CSMD1: variants seen among roughly 807,000 people sequenced by gnomAD.
CSMD1 encodes CUB and sushi domain-containing protein 1.
Under a neutral mutation model 417.5 loss-of-function variants are expected in CSMD1, and 213 were observed. The ratio of observed to expected loss-of-function variants is 0.51; its 90% CI spans 0.46 to 0.57. CSMD1 has a LOEUF of 0.57. CSMD1 is among the 20% of genes least tolerant of loss of function. CSMD1 has a pLI of 0.00. For synonymous variants in CSMD1, 2,862 were observed against 1,736.8 expected (o/e 1.65, Z -16.11); for missense variants, 6,923 against 4,529.7 (o/e 1.53, Z -15.17).
chr8:3,971,254 T>G (rs1364834444), intron 5 of CSMD1, among the ~76,000 whole-genome samples: 1 of 152,194 alleles, frequency 6.6e-6, no homozygotes, highest in Non-Finnish European at 1.5e-5. Flanking sequence ...TGCCTGAGTT[T>G]TTAATCTCTG....
intron 50 of CSMD1, among the ~76,000 whole-genome samples, chr8:3,043,410 A>G (rs1379448099): frequency 7.9e-5 from 12 of 152,088 alleles, no homozygotes; most frequent in Non-Finnish European, 2.9e-5. Flanking sequence ...ACCTATAAAT[A>G]CTAGATATGA....
chr8:3,595,003 G>C (rs1413505823), intron 8 of CSMD1, among the ~76,000 whole-genome samples: 1 of 152,154 alleles, frequency 6.6e-6, no homozygotes, highest in Non-Finnish European at 1.5e-5. Flanking sequence ...ACACAACCCG[G>C]CCTCTGTGTG....
intron 5 of CSMD1, among the ~76,000 whole-genome samples, chr8:3,923,868 GTCTT>G (rs1156833376): frequency 1.3e-5 from 2 of 152,028 alleles, no homozygotes; most frequent in East Asian, 1.9e-4. Flanking sequence ...TGCAGTATTT[GTCTT>G]TCTTTGCTTG....
intron 2 of CSMD1, among the ~76,000 whole-genome samples, chr8:4,442,825 G>T (rs916173500): frequency 6.6e-6 from 1 of 152,172 alleles, no homozygotes; most frequent in Non-Finnish European, 1.5e-5. Context: ...ACTGAAATAT[G>T]TAAGTTGCCT....
Position 3,396,385 on chromosome 8 carries a change from C to T in CSMD1, c.2406-4G>A. 1 of 1,560,934 alleles carries T rather than the reference C, an allele frequency of 6.4e-7. No homozygotes were observed. The stretch of plus-strand genomic sequence containing the variant: ...ATAATTGACCTCTGTCTGAAATCTG[C>T]AAATATATACATCCCATCAGAAAAG... On this transcript the variant is annotated splice_region_variant and splice_polypyrimidine_tract_variant and intron_variant, in intron 16 of 69. Coordinates refer to ENST00000635120, the MANE Select transcript of CSMD1 (RefSeq NM_033225.6).
rs142518008 is a variant in CSMD1 at position 3,987,834 on chromosome 8, T to C, written c.818+10069A>G. ...CCAAACCCATAGTTCCAGATGTTAA[T>C]TGACAGCCTGCCAAAAAGAAATGGT... is the stretch of plus-strand genomic sequence containing the variant. On this transcript the variant is annotated intron_variant, in intron 5 of 69. Transcript: ENST00000635120. 3.1e-3 allele frequency among the ~76,000 whole-genome samples: 476 copies of C among 152,328 alleles called. 2 individuals are homozygous for C. Among genetic ancestry groups the C allele is most frequent in the African/African-American group, 0.011 (453 of 41,582 alleles).
At chr8:3,627,362 C>G (rs963422595) in intron 7 of CSMD1, among the ~76,000 whole-genome samples, 1 of 152,132 alleles carries the variant, frequency 6.6e-6, no homozygotes, top group Non-Finnish European at 1.5e-5. Context: ...TTTCACAGAT[C>G]ATGAATTATT....
chr8:3,060,900 C>T (rs892720982), intron 49 of CSMD1, among the ~76,000 whole-genome samples: 6 of 152,198 alleles, frequency 3.9e-5, no homozygotes, highest in Admixed American at 2.6e-4. Context: ...TTCCTCTCTC[C>T]GGAGGAGAGA....
At chr8:3,986,277 C>G (rs1439200722) in intron 5 of CSMD1, among the ~76,000 whole-genome samples, 3 of 152,148 alleles carry the variant, frequency 2.0e-5, no homozygotes, top group Non-Finnish European at 2.9e-5. Flanking sequence ...TCAACATTCT[C>G]TCTACAATCC....
At chr8:4,684,124 T>C (rs1477626614) in intron 1 of CSMD1, among the ~76,000 whole-genome samples, 1 of 152,222 alleles carries the variant, frequency 6.6e-6, no homozygotes, top group Non-Finnish European at 1.5e-5. Flanking sequence ...CATAAAATGA[T>C]AATGATTTCA....
In CSMD1 at chr8:3,016,361, C is replaced by T. The variant is rs866745977; in HGVS notation, c.8029+2116G>A. Among the ~76,000 whole-genome samples, 65 of 152,308 alleles carry T rather than the reference C, an allele frequency of 4.3e-4. No homozygotes were observed. The Middle Eastern group carries it at 0.014, about 32-fold the overall frequency. ...CTGTTCTCCTACCTTTTTACTCACT[C>T]ATCCCTATTTTCCTCTGAGTCTCAC... is the stretch of plus-strand genomic sequence containing the variant. On this transcript the variant is annotated intron_variant, in intron 52 of 69. Coordinates refer to ENST00000635120, the MANE Select transcript of CSMD1 (RefSeq NM_033225.6).
At chr8:3,066,849 G>T (rs1052002913) in intron 49 of CSMD1, among the ~76,000 whole-genome samples, 2 of 152,152 alleles carry the variant, frequency 1.3e-5, no homozygotes, top group Non-Finnish European at 2.9e-5. Context: ...AAAATGCATG[G>T]AATGAAGTGT....
At chr8:4,066,818 C>G (rs56797323) in intron 3 of CSMD1, among the ~76,000 whole-genome samples, 2 of 152,170 alleles carry the variant, frequency 1.3e-5, no homozygotes, top group African/African-American at 4.8e-5. Context: ...AAAGCGAAAG[C>G]GACAACACCC....
intron 2 of CSMD1, among the ~76,000 whole-genome samples, chr8:4,617,980 G>C (rs1445051242): frequency 6.6e-6 from 1 of 152,068 alleles, no homozygotes; most frequent in African/African-American, 2.4e-5. Flanking sequence ...TTTATGATTT[G>C]GAGCTGCCTA....
intron 12 of CSMD1, among the ~76,000 whole-genome samples, chr8:3,409,895 G>A (rs1028905061): frequency 1.3e-5 from 2 of 152,180 alleles, no homozygotes; most frequent in African/African-American, 2.4e-5. Context: ...TGCATCTTCT[G>A]GATACCTCCG....
intron 3 of CSMD1, among the ~76,000 whole-genome samples, chr8:4,099,101 C>CT (rs1186147754): frequency 1.3e-5 from 2 of 151,510 alleles, no homozygotes; most frequent in Admixed American, 6.6e-5. Flanking sequence ...CTGTTTTTTT[C>CT]TTTTTTTGTC....
chr8:3,503,622 A>G (rs1043945431), intron 10 of CSMD1, among the ~76,000 whole-genome samples: 2 of 152,212 alleles, frequency 1.3e-5, no homozygotes, highest in Non-Finnish European at 2.9e-5. Flanking sequence ...TGGTACATAA[A>G]TTACCGTAAT....
At chr8:4,292,884 G>A (rs1363740175) in intron 3 of CSMD1, among the ~76,000 whole-genome samples, 1 of 152,144 alleles carries the variant, frequency 6.6e-6, no homozygotes. Flanking sequence ...AAGGCTTTTT[G>A]TAAAGAGATA....
chr8:4,018,409 T>G (rs745930989), intron 4 of CSMD1, among the ~76,000 whole-genome samples: 1 of 152,192 alleles, frequency 6.6e-6, no homozygotes, highest in Non-Finnish European at 1.5e-5. Context: ...CCTCGATTCC[T>G]GTTCTCTCCC....
Sources: gnomAD v4.1 joint callset for allele counts (sites outside exome capture counted in the v4.1 genomes callset) on GRCh38, gnomAD v4.1.1 for gene constraint, MANE v1.5 for transcripts, NCBI Gene and HGNC (gene_info 2026-07-23, HGNC 2026-07-21) for gene names.